PIK3C2G: variants seen among roughly 807,000 people sequenced by gnomAD.
PIK3C2G encodes the protein phosphatidylinositol 3-kinase C2 domain-containing subunit gamma.
A neutral mutation model predicts 181.1 loss-of-function variants in PIK3C2G; 168 were observed. The observed-to-expected ratio is 0.93, with a 90% CI of 0.82 to 1.05. The LOEUF (loss-of-function observed/expected upper bound fraction) is 1.05, where lower values mean the gene tolerates loss of function less well. PIK3C2G is among the 50% of genes least tolerant of loss of function. PIK3C2G has a pLI of 0.00. For synonymous variants in PIK3C2G, 573 were observed against 592.2 expected, an observed-to-expected ratio of 0.97 and a Z score of 0.47; for missense variants, 1,869 against 1,732.8, an observed-to-expected ratio of 1.08 and a Z score of -1.40.
At chr12:18,417,364 G>A (rs1945241590) in intron 16 of PIK3C2G, among the ~76,000 whole-genome samples, 1 of 152,068 alleles carries the variant, frequency 6.6e-6, no homozygotes, top group African/African-American at 2.4e-5. Flanking sequence ...GCAGTGGCAG[G>A]GCTTGAAAGA....
intron 18 of PIK3C2G, among the ~76,000 whole-genome samples, chr12:18,439,940 G>T (rs1278122652): frequency 6.6e-6 from 1 of 151,924 alleles, no homozygotes; most frequent in East Asian, 1.9e-4. Flanking sequence ...TTTCACATAT[G>T]AAAATATTGT....
At chr12:18,462,814 T>C (rs888828099) in intron 18 of PIK3C2G, among the ~76,000 whole-genome samples, 1 of 152,154 alleles carries the variant, frequency 6.6e-6, no homozygotes, top group African/African-American at 2.4e-5. Context: ...ACACATAATA[T>C]TGGCTGCTTC....
At chr12:18,542,939 G>A (rs1378328722) in intron 25 of PIK3C2G, among the ~76,000 whole-genome samples, 7 of 151,892 alleles carry the variant, frequency 4.6e-5, no homozygotes, top group Admixed American at 4.6e-4. Context: ...TGGTAGTTCT[G>A]CTTTTAGCTC....
the PIK3C2G span, chr12:18,692,835 G>A: frequency 1.9e-6 from 3 of 1,581,556 alleles, no homozygotes; most frequent in Middle Eastern, 1.9e-4. Context: ...ACAACTCAAG[G>A]ACAAGAAAAA....
chr12:18,626,859 G>A (rs972139722), intron 31 of PIK3C2G, among the ~76,000 whole-genome samples: 1 of 151,748 alleles, frequency 6.6e-6, no homozygotes, highest in Non-Finnish European at 1.5e-5. Flanking sequence ...TATATGTTGT[G>A]TTGAATTCTG....
At chr12:18,323,518 T>C (rs1238707752) in intron 7 of PIK3C2G, among the ~76,000 whole-genome samples, 1 of 152,174 alleles carries the variant, frequency 6.6e-6, no homozygotes, top group Non-Finnish European at 1.5e-5. Flanking sequence ...TCTCAAAGGG[T>C]ATCTAACACA....
chr12:18,561,244 T>C (rs749089621), intron 26 of PIK3C2G, among the ~76,000 whole-genome samples: 1 of 152,218 alleles, frequency 6.6e-6, no homozygotes, highest in Non-Finnish European at 1.5e-5. Flanking sequence ...TTAGTATACA[T>C]ACTATATGAT....
the PIK3C2G span, among the ~76,000 whole-genome samples, chr12:18,704,149 G>A: frequency 6.6e-6 from 1 of 152,134 alleles, no homozygotes; most frequent in African/African-American, 2.4e-5. Flanking sequence ...AGTATTGAAT[G>A]TTAATGAGAG....
intron 17 of PIK3C2G, among the ~76,000 whole-genome samples, chr12:18,422,147 T>A (rs1945521242): frequency 6.6e-6 from 1 of 152,108 alleles, no homozygotes; most frequent in South Asian, 2.1e-4. Context: ...GCATCAGGAA[T>A]GTCATTGAGA....
At chr12:18,468,113 G>C (rs1938094238) in intron 18 of PIK3C2G, among the ~76,000 whole-genome samples, 1 of 151,974 alleles carries the variant, frequency 6.6e-6, no homozygotes, top group South Asian at 2.1e-4. Flanking sequence ...GTTTTGTAAA[G>C]AGGTGCTGAT....
At chr12:18,369,296 T>C (rs1195335966) in intron 12 of PIK3C2G, among the ~76,000 whole-genome samples, 1 of 152,200 alleles carries the variant, frequency 6.6e-6, no homozygotes, top group Non-Finnish European at 1.5e-5. Context: ...TTTAGCATTC[T>C]CACCTACTGT....
At chr12:18,541,554 T>C (rs1260617653) in intron 25 of PIK3C2G, among the ~76,000 whole-genome samples, 5 of 152,072 alleles carry the variant, frequency 3.3e-5, no homozygotes, top group African/African-American at 9.6e-5. Context: ...GAGATCTTCC[T>C]AACTTCTCTA....
chr12:18,592,798 C>A (rs1391023751), intron 29 of PIK3C2G, among the ~76,000 whole-genome samples: 2 of 151,846 alleles, frequency 1.3e-5, no homozygotes, highest in Non-Finnish European at 2.9e-5. Flanking sequence ...AGTGAAGTGG[C>A]TAAAATATAG....
chr12:18,559,826 A>AGAGAG (rs1945248395), intron 26 of PIK3C2G, among the ~76,000 whole-genome samples: 1 of 39,828 alleles, frequency 2.5e-5, no homozygotes. Context: ...ATATATAGAG[A>AGAGAG]GAGAGAGAGA....
intron 8 of PIK3C2G, among the ~76,000 whole-genome samples, chr12:18,328,029 T>C (rs1217614954): frequency 1.3e-5 from 2 of 152,012 alleles, no homozygotes; most frequent in Admixed American, 6.6e-5. Flanking sequence ...CAAAATTCTT[T>C]ATTAAAATGC....
chr12:18,358,797 C>T (rs976127356), intron 11 of PIK3C2G: 2 of 306,202 alleles, frequency 6.5e-6, no homozygotes, highest in African/African-American at 2.2e-5. Flanking sequence ...AAATTAGACT[C>T]ATCTGTGTAG....
intron 18 of PIK3C2G, among the ~76,000 whole-genome samples, chr12:18,462,213 G>C (rs1455515795): frequency 6.6e-6 from 1 of 152,016 alleles, no homozygotes; most frequent in African/African-American, 2.4e-5. Context: ...TTCTTCCTTG[G>C]GTAGCCTTTA....
intron 31 of PIK3C2G, among the ~76,000 whole-genome samples, chr12:18,620,563 TA>T (rs1175540958): frequency 6.7e-6 from 1 of 150,332 alleles, no homozygotes; most frequent in Admixed American, 6.6e-5. Context: ...GATAGATAGA[TA>T]GATAGGTAAC....
At chr12:18,469,488 C>T (rs1207691348) in intron 18 of PIK3C2G, among the ~76,000 whole-genome samples, 1 of 152,028 alleles carries the variant, frequency 6.6e-6, no homozygotes, top group Non-Finnish European at 1.5e-5. Flanking sequence ...GCTGAATATG[C>T]TCAAATTATC....
Sources: gnomAD v4.1 joint callset for allele counts (sites outside exome capture counted in the v4.1 genomes callset) on GRCh38, gnomAD v4.1.1 for gene constraint, MANE v1.5 for transcripts, NCBI Gene and HGNC (gene_info 2026-07-23, HGNC 2026-07-21) for gene names.